UBAP1L: variants seen among roughly 807,000 people sequenced by gnomAD.
UBAP1L encodes ubiquitin-associated protein 1-like.
A neutral mutation model predicts 32.1 loss-of-function variants in UBAP1L; 32 were observed. The observed-to-expected ratio is 1.00, with a 90% CI of 0.75 to 1.34. The LOEUF (loss-of-function observed/expected upper bound fraction) is 1.34. UBAP1L is among the 40% of genes most tolerant of loss of function. The pLI is 0.00. For missense variants in UBAP1L, 516 were observed against 540.5 expected (o/e 0.95, Z 0.45); for synonymous variants, 243 against 250.2 (o/e 0.97, Z 0.27).
intron 3 of UBAP1L, 129 bp from the exon 4 acceptor site, chr15:65,099,843 T>G: frequency 1.3e-6 from 1 of 773,828 alleles, no homozygotes; most frequent in East Asian, 2.7e-5. Flanking sequence ...TATGGAGGGC[T>G]TAGAGTCCTG....
chr15:65,111,163 A>G (rs1044596482), intron 1 of UBAP1L, among the ~76,000 whole-genome samples: 3 of 152,248 alleles, frequency 2.0e-5, no homozygotes, highest in Non-Finnish European at 4.4e-5. Flanking sequence ...AGAATCAGGA[A>G]GGTCCCACTG....
chr15:65,093,762 G>A (rs1174168922), intron 5 of UBAP1L, among the ~76,000 whole-genome samples: 1 of 152,208 alleles, frequency 6.6e-6, no homozygotes, highest in Non-Finnish European at 1.5e-5. Flanking sequence ...TGACTACTGG[G>A]GCCGGGTGCG....
Position 65,094,389 on chromosome 15 carries a change from G to T in UBAP1L, c.1011+86C>A. 1 of 909,818 alleles carries T rather than the reference G, an allele frequency of 1.1e-6. No homozygotes were observed. Among genetic ancestry groups the T allele is most frequent in the Non-Finnish European group, 1.7e-6 (1 of 603,200 alleles). The allele number at this position is 909,818 out of a possible 1,614,324, so 56.4% of individuals were successfully genotyped here. A position where few individuals can be genotyped will look rare whatever the true frequency, so the allele number is the denominator to read the frequency against. ...GGCTGGACCCACAGACTGGCTCTGA[G>T]GACTGGTGTGGCCCTGCACACCGGG... On this transcript the variant is annotated intron_variant, in intron 5 of 5. Coordinates refer to ENST00000559089, the MANE Select transcript of UBAP1L (RefSeq NM_001163692.2). This position sits in a 1 kb window ranked among gnomAD's most constrained non-coding sequence, Gnocchi z 4.2.
rs569015091 is a variant in UBAP1L, at chr15:65,098,472, C to A, written c.909+1033G>T. ...GAGAATGATCATAAAATTTTTTGCA[C>A]CCTCTCCCACCAAGAGGTGGAATCT... On this transcript the variant is annotated intron_variant, in intron 4 of 5. Coordinates refer to ENST00000559089, the MANE Select transcript of UBAP1L (RefSeq NM_001163692.2). 3.3e-5 allele frequency: 5 copies of A among 152,246 alleles called. No individual in the cohort carries two copies. In the East Asian group the frequency reaches 7.7e-4, roughly 24 times the overall value. The allele number at this position is 152,246 out of a possible 1,614,324, so 9.4% of individuals were successfully genotyped here. A position where few individuals can be genotyped will look rare whatever the true frequency, so the allele number is the denominator to read the frequency against.
At chr15:65,104,797 T>G (rs147445415) in intron 2 of UBAP1L, 5,185 of 202,354 alleles carry the variant, frequency 0.026, 135 homozygotes, top group African/African-American at 0.067. Flanking sequence ...CACGAGGTCA[T>G]GAGATCAAGA....
At position 65,099,700 on chromosome 15, in the gene UBAP1L, G is replaced by A. The variant is rs11853338; in HGVS notation, c.714C>T (p.Tyr238=). 1,604 of 1,549,912 alleles carry A rather than the reference G, an allele frequency of 1.0e-3. 22 individuals are homozygous for A. The African/African-American group carries it at 0.019, about 18-fold the overall frequency. The change falls in exon 4 of 6, where the codon TAC becomes TAT. Residue 238 remains tyrosine, a synonymous_variant. Coordinates refer to ENST00000559089, the MANE Select transcript of UBAP1L (RefSeq NM_001163692.2). ...HKPTVASLSP[Y]TCLPPLGGAP... is the part of the protein sequence containing the mutation. ...CCCCCCCAAGAGGTGGCAGACAGGT[G>A]TACGGGCTGAGGGACTGAAATACAG...
chr15:65,112,689 A>G (rs1045277224), intron 1 of UBAP1L, among the ~76,000 whole-genome samples: 6 of 152,188 alleles, frequency 3.9e-5, no homozygotes, highest in Non-Finnish European at 8.8e-5. Flanking sequence ...CTCTTCTGAG[A>G]TCAAACTCAT....
chr15:65,114,955 T>C (rs972687803), intron 1 of UBAP1L, among the ~76,000 whole-genome samples, 195 bp downstream of exon 1: 9 of 152,212 alleles, frequency 5.9e-5, no homozygotes, highest in African/African-American at 2.2e-4. Context: ...AAAGAGCTCA[T>C]CATATGGAAA....
At chr15:65,103,832 G>A (rs1475796359) in intron 2 of UBAP1L, among the ~76,000 whole-genome samples, 1 of 152,144 alleles carries the variant, frequency 6.6e-6, no homozygotes, top group Non-Finnish European at 1.5e-5. Context: ...GAACTAATGA[G>A]GCATACTTGG....
rs1411498408 is a variant in UBAP1L at position 65,094,084 on chromosome 15, G to A, written c.1011+391C>T. 6.6e-6 allele frequency among the ~76,000 whole-genome samples: 1 copy of A among 152,294 alleles called. No homozygotes were observed. ...GTGACTATTGGGCCTACAGCTGCATGCACTTGGGGTAGGCGGCACGCTCCC... is the reference window on the plus strand; with the variant it reads ...GTGACTATTGGGCCTACAGCTGCATACACTTGGGGTAGGCGGCACGCTCCC... On this transcript the variant is annotated intron_variant, in intron 5 of 5. Transcript: ENST00000559089. The surrounding 1 kb of genome is among the most constrained non-coding windows in gnomAD (Gnocchi z 4.2).
At chr15:65,098,454 ATCATAAAATT>A (rs1458948292) in intron 4 of UBAP1L, 3 of 152,146 alleles carry the variant, frequency 2.0e-5, no homozygotes, top group Non-Finnish European at 4.4e-5. Flanking sequence ...ACTGAGAATG[ATCATAAAATT>A]TTTTGCACCC....
At chr15:65,103,478 T>C (rs1252641440) in intron 2 of UBAP1L, among the ~76,000 whole-genome samples, 3 of 152,114 alleles carry the variant, frequency 2.0e-5, no homozygotes, top group Non-Finnish European at 4.4e-5. Context: ...AACATAAGAC[T>C]CCATCAAAAA....
At position 65,102,524 on chromosome 15, in the gene UBAP1L, A is replaced by C. The variant is rs1377616281; in HGVS notation, c.281T>G (p.Ile94Ser). ...CTGGTGTCCGGCCTCCGGGTCTCTG[A>C]TTGTGGTGGGCGCAGGCGCCAGCCC... ...EHGLAPAPTT[I>S]RDPEAGHQER... The change falls in exon 3 of 6, where the codon ATC becomes AGC. Residue 94 changes from isoleucine to serine, a missense_variant. Physicochemically the swap from Ile to Ser is moderately radical, Grantham distance 142. Coordinates refer to ENST00000559089, the MANE Select transcript of UBAP1L (RefSeq NM_001163692.2). The surrounding 1 kb of genome is among the most constrained non-coding windows in gnomAD (Gnocchi z 5.0). The C allele has an allele frequency of 6.7e-7, 1 of 1,492,310 alleles. No individual in the cohort carries two copies. Among genetic ancestry groups the C allele is most frequent in the South Asian group, 1.3e-5 (1 of 76,578 alleles). 92.4% of individuals were successfully genotyped at this position (1,492,310 alleles called of 1,614,324 possible). A position where few individuals can be genotyped will look rare whatever the true frequency, so the allele number is the denominator to read the frequency against.
At position 65,102,406 on chromosome 15, in the gene UBAP1L, C is replaced by G. The variant is rs940753181; in HGVS notation, c.399G>C (p.Pro133=). Residue 133 remains proline (P), a synonymous_variant, in exon 3 of 6, where the codon CCG becomes CCC. Transcript: ENST00000559089. The surrounding 1 kb of genome is among the most constrained non-coding windows in gnomAD (Gnocchi z 5.0). ...PAPSSLQPGS[P]ASPGPGRRLC... is the part of the protein sequence containing the mutation. ...GGCGACGGCCGGGGCCGGGGCTCGCCGGGGAGCCCGGTTGGAGGCTGCTGG... is the reference window on the plus strand; with the variant it reads ...GGCGACGGCCGGGGCCGGGGCTCGCGGGGGAGCCCGGTTGGAGGCTGCTGG... 3 of 1,428,314 alleles carry G rather than the reference C, an allele frequency of 2.1e-6. No homozygotes were observed. Among genetic ancestry groups the G allele is most frequent in the Non-Finnish European group, 1.8e-6 (2 of 1,096,954 alleles). 88.5% of individuals were successfully genotyped at this position (1,428,314 alleles called of 1,614,324 possible).
At position 65,094,164 on chromosome 15, in the gene UBAP1L, G is replaced by A. The variant is rs893607119; in HGVS notation, c.1011+311C>T. On this transcript the variant is annotated intron_variant, in intron 5 of 5. Coordinates refer to ENST00000559089, the MANE Select transcript of UBAP1L (RefSeq NM_001163692.2). The surrounding 1 kb of genome is among the most constrained non-coding windows in gnomAD (Gnocchi z 4.2). ...GCCCATGGCTCCTATCTGAGTGTCCGACAAAGAGTGGCCATTCAGTCACAG... is the reference window on the plus strand; with the variant it reads ...GCCCATGGCTCCTATCTGAGTGTCCAACAAAGAGTGGCCATTCAGTCACAG... Among the ~76,000 whole-genome samples, 11 of 152,270 alleles carry A rather than the reference G, an allele frequency of 7.2e-5. No individual in the cohort carries two copies. Among genetic ancestry groups the A allele is most frequent in the African/African-American group, 2.2e-4 (9 of 41,548 alleles).
intron 5 of UBAP1L, 56 bp from the exon 6 acceptor site, chr15:65,093,287 C>T: frequency 6.8e-7 from 1 of 1,470,962 alleles, no homozygotes; most frequent in Non-Finnish European, 9.0e-7. Context: ...TGGCCTCAGC[C>T]ATGGGGAGCC....
chr15:65,112,714 A>AC, intron 1 of UBAP1L, among the ~76,000 whole-genome samples: 1 of 152,172 alleles, frequency 6.6e-6, no homozygotes, highest in East Asian at 1.9e-4. Flanking sequence ...ACAACTGCCT[A>AC]CACAGTGTCT....
At position 65,094,665 on chromosome 15, in the gene UBAP1L, C is replaced by T. The variant is rs902444479; in HGVS notation, c.910-89G>A. ...CAGAGAGGCACTCCAAGGGCCTGAG[C>T]TGAGGGCCAGGCAACAGGGCAAGCC... On this transcript the variant is annotated intron_variant, in intron 4 of 5. Transcript: ENST00000559089. The surrounding 1 kb of genome is among the most constrained non-coding windows in gnomAD (Gnocchi z 4.2). 17 of 998,918 alleles carry T rather than the reference C, an allele frequency of 1.7e-5. No homozygotes were observed. In the African/African-American group the frequency reaches 2.7e-4, roughly 16 times the overall value. The allele number at this position is 998,918 out of a possible 1,614,324, so 61.9% of individuals were successfully genotyped here.
intron 1 of UBAP1L, among the ~76,000 whole-genome samples, chr15:65,110,838 C>T (rs1032027853): frequency 8.5e-5 from 13 of 152,174 alleles, no homozygotes; most frequent in African/African-American, 2.9e-4. Flanking sequence ...AGGGAGTCTG[C>T]AGCAGGAAGT....
Sources: allele counts gnomAD v4.1 joint callset (sites outside exome capture counted in the v4.1 genomes callset), GRCh38; gene constraint gnomAD v4.1.1; non-coding constraint Gnocchi (gnomAD v3.1); transcripts MANE v1.5; gene names NCBI Gene and HGNC (gene_info 2026-07-23, HGNC 2026-07-21).